The following ATRNL1 variants were observed in gnomAD, a reference collection of about 807,000 sequenced individuals.
ATRNL1 encodes attractin-like protein 1.
ATRNL1 carries 95 observed loss-of-function variants against 182.7 expected under a neutral mutation model. That is an observed-to-expected ratio of 0.52 (90% CI 0.44 to 0.62). The LOEUF is 0.62. ATRNL1 is among the 20% of genes least tolerant of loss of function. The pLI is 0.00. For synonymous variants in ATRNL1, 576 were observed against 568.3 expected (o/e 1.01, Z -0.19); for missense variants, 1,471 against 1,679.5 (o/e 0.88, Z 2.17).
chr10:115,195,941 C>T (rs1848343651), intron 8 of ATRNL1, among the ~76,000 whole-genome samples: 1 of 152,040 alleles, frequency 6.6e-6, no homozygotes. Context: ...CTTTTGTCCT[C>T]AGATATTTGT....
chr10:115,148,743 C>CAT (rs1846080385), intron 5 of ATRNL1, among the ~76,000 whole-genome samples: 1 of 116,120 alleles, frequency 8.6e-6, no homozygotes, highest in Non-Finnish European at 1.9e-5. Flanking sequence ...AGGCCAGATG[C>CAT]GTTTTTTTTT....
intron 17 of ATRNL1, among the ~76,000 whole-genome samples, chr10:115,308,664 C>A (rs995197286): frequency 6.6e-6 from 1 of 152,090 alleles, no homozygotes; most frequent in African/African-American, 2.4e-5. Context: ...ATATTTCATA[C>A]AAGTCCTTAT....
intron 18 of ATRNL1, among the ~76,000 whole-genome samples, chr10:115,324,735 T>C (rs1266769230): frequency 6.6e-6 from 1 of 152,232 alleles, no homozygotes; most frequent in Non-Finnish European, 1.5e-5. Flanking sequence ...TGTCTCCAGT[T>C]GATAGGATCA....
intron 26 of ATRNL1, among the ~76,000 whole-genome samples, chr10:115,605,090 C>T (rs1555017189): frequency 6.6e-6 from 1 of 152,136 alleles, no homozygotes; most frequent in Non-Finnish European, 1.5e-5. Flanking sequence ...ATAACAACTA[C>T]TTACCAAATA....
chr10:115,630,916 G>T (rs1026301492), intron 26 of ATRNL1, among the ~76,000 whole-genome samples: 40 of 147,932 alleles, frequency 2.7e-4, no homozygotes, highest in African/African-American at 8.6e-4. Flanking sequence ...CCTGTCTTTT[G>T]CAACAACCTG....
intron 25 of ATRNL1, among the ~76,000 whole-genome samples, chr10:115,521,141 G>T: frequency 7.4e-6 from 1 of 134,754 alleles, no homozygotes; most frequent in Non-Finnish European, 1.7e-5. Flanking sequence ...AACAACTTTT[G>T]TTGTTGTTGT....
intron 28 of ATRNL1, among the ~76,000 whole-genome samples, chr10:115,895,669 G>A (rs1458396961): frequency 2.0e-5 from 3 of 152,142 alleles, no homozygotes; most frequent in East Asian, 1.9e-4. Flanking sequence ...AGTAAGACTC[G>A]GACCCGGTGG....
rs567984518 is a variant in ATRNL1 at position 115,716,374 on chromosome 10, C to T, written c.3796-10874C>T. Among the ~76,000 whole-genome samples, 8 of 152,144 alleles carry T rather than the reference C, an allele frequency of 5.3e-5. No individual in the cohort carries two copies. In the South Asian group the frequency reaches 1.7e-3, roughly 32 times the overall value. ...ATATGTATTGATTAAAAGGAAAATG[C>T]CAGTGTGTGGGTCATTTACGTATCC... On this transcript the variant is annotated intron_variant, in intron 26 of 28. Coordinates refer to ENST00000355044, the MANE Select transcript of ATRNL1 (RefSeq NM_207303.4).
At chr10:115,701,670 C>A (rs2133996199) in intron 26 of ATRNL1, among the ~76,000 whole-genome samples, 1 of 152,106 alleles carries the variant, frequency 6.6e-6, no homozygotes, top group African/African-American at 2.4e-5. Context: ...ATTATGAGCA[C>A]TTCTGTGCAC....
chr10:115,654,055 A>G (rs1421587324), intron 26 of ATRNL1, among the ~76,000 whole-genome samples: 1 of 152,176 alleles, frequency 6.6e-6, no homozygotes, highest in Non-Finnish European at 1.5e-5. Flanking sequence ...TTTTATCCTC[A>G]GAACTAAATA....
At chr10:115,841,687 A>G (rs1565427235) in intron 27 of ATRNL1, among the ~76,000 whole-genome samples, 1 of 152,266 alleles carries the variant, frequency 6.6e-6, no homozygotes, top group East Asian at 1.9e-4. Flanking sequence ...CTTCCTACTG[A>G]ATAAACCCAG....
At chr10:115,132,392 T>C (rs377222549) in intron 5 of ATRNL1, among the ~76,000 whole-genome samples, 18 of 152,218 alleles carry the variant, frequency 1.2e-4, no homozygotes, top group Admixed American at 3.9e-4. Context: ...AATAAACATA[T>C]GTGTGCATGT....
At chr10:115,303,231 T>G (rs1034801888) in intron 17 of ATRNL1, among the ~76,000 whole-genome samples, 19 of 148,190 alleles carry the variant, frequency 1.3e-4, no homozygotes, top group Admixed American at 3.4e-4. Flanking sequence ...GTTTTTTTTT[T>G]TTTTTTTTTT....
intron 14 of ATRNL1, among the ~76,000 whole-genome samples, chr10:115,284,384 GA>G (rs1852509987): frequency 6.6e-6 from 1 of 152,188 alleles, no homozygotes; most frequent in South Asian, 2.1e-4. Context: ...CGTAATTTAA[GA>G]AAACGTTTGC....
intron 8 of ATRNL1, among the ~76,000 whole-genome samples, chr10:115,194,126 A>G (rs1276315621): frequency 6.6e-6 from 1 of 151,968 alleles, no homozygotes; most frequent in Non-Finnish European, 1.5e-5. Context: ...TGAATTGTCT[A>G]TCTTGGAGAG....
chr10:115,246,140 A>C (rs1457378278), intron 10 of ATRNL1, among the ~76,000 whole-genome samples: 1 of 152,200 alleles, frequency 6.6e-6, no homozygotes, highest in Non-Finnish European at 1.5e-5. Flanking sequence ...CACATGATTT[A>C]TAATATAATT....
chr10:115,381,062 T>C (rs1236487777), intron 19 of ATRNL1, among the ~76,000 whole-genome samples: 3 of 152,222 alleles, frequency 2.0e-5, no homozygotes, highest in Non-Finnish European at 4.4e-5. Context: ...ATTATCTGTC[T>C]TTTTTGTTAT....
intron 26 of ATRNL1, among the ~76,000 whole-genome samples, chr10:115,686,585 T>C (rs1946225506): frequency 6.6e-6 from 1 of 152,066 alleles, no homozygotes; most frequent in African/African-American, 2.4e-5. Flanking sequence ...CTTAGTATGA[T>C]GCTTGCAAGG....
chr10:115,094,127 G>GC, intron 1 of ATRNL1, 84 bp downstream of exon 1: 4 of 1,233,122 alleles, frequency 3.2e-6, no homozygotes, highest in Non-Finnish European at 4.1e-6. Flanking sequence ...GGCCTCCCCC[G>GC]CCCCCGTCGC....
Sources: gnomAD v4.1 joint callset for allele counts (sites outside exome capture counted in the v4.1 genomes callset) on GRCh38, gnomAD v4.1.1 for gene constraint, MANE v1.5 for transcripts, NCBI Gene and HGNC (gene_info 2026-07-23, HGNC 2026-07-21) for gene names.